The following GC variants were observed in gnomAD, a reference collection of about 807,000 sequenced individuals.
GC encodes vitamin D-binding protein.
GC carries 43 observed loss-of-function variants against 56.7 expected under a neutral mutation model. The ratio of observed to expected loss-of-function variants is 0.76; its 90% confidence interval spans 0.59 to 0.98. The LOEUF is 0.98. Among genes scored for constraint, GC ranks in the 50% least tolerant of loss-of-function variants. The pLI is 0.00. For synonymous variants in GC, 216 were observed against 202.7 expected (o/e 1.07, Z -0.56); for missense variants, 529 against 545.9 (o/e 0.97, Z 0.31).
rs573923482 is a variant in GC at position 71,746,307 on chromosome 4, G to A, written c.1396-102C>T. ...CAAAATCTTGAAACCTTGGTTAGGG[G>A]AGCGGATTCTTGCCAAGATGCAATG... On this transcript the variant is annotated intron_variant, in intron 11 of 12. Coordinates refer to ENST00000273951, the MANE Select transcript of GC (RefSeq NM_000583.4). The A allele has an allele frequency of 7.3e-4, 431 of 588,214 alleles. 1 individual carries two copies. The highest frequency in any genetic ancestry group is 7.5e-4 in the Non-Finnish European group (242 of 321,676). 36.4% of individuals were successfully genotyped at this position (588,214 alleles called of 1,614,324 possible). A position where few individuals can be genotyped will look rare whatever the true frequency, so the allele number is the denominator to read the frequency against.
upstream of GC, among the ~76,000 whole-genome samples, chr4:71,784,608 G>C (rs1742788065): frequency 6.6e-6 from 1 of 151,764 alleles, no homozygotes; most frequent in African/African-American, 2.4e-5. Flanking sequence ...ATGCTATGAA[G>C]TAATCTTATT....
intron 11 of GC, among the ~76,000 whole-genome samples, chr4:71,746,772 T>TAAAAAAAAAAAAAAA (rs34865299): frequency 2.0e-5 from 2 of 100,658 alleles, no homozygotes; most frequent in African/African-American, 8.4e-5. Flanking sequence ...CTCTATTTTG[T>TAAAAAAAAAAAAAAA]AAAAAAAAAA....
chr4:71,785,925 T>C (rs1742821956), upstream of GC: 1 of 151,864 alleles, frequency 6.6e-6, no homozygotes, highest in South Asian at 2.1e-4. Flanking sequence ...TATACTTCTG[T>C]ATCCCTTTTA....
intron 1 of GC, chr4:71,769,699 G>A: frequency 3.9e-6 from 1 of 257,608 alleles, no homozygotes; most frequent in Non-Finnish European, 7.7e-6. Context: ...TATTGATATG[G>A]CAACTATTAG....
At chr4:71,747,505 A>G (rs1470952611) in intron 11 of GC, among the ~76,000 whole-genome samples, 1 of 152,200 alleles carries the variant, frequency 6.6e-6, no homozygotes, top group African/African-American at 2.4e-5. Context: ...AAATTGTTTC[A>G]AGAAGGAAGG....
intron 11 of GC, 135 bp from the exon 12 acceptor site, chr4:71,746,340 G>A (rs1281953366): frequency 3.8e-6 from 2 of 529,574 alleles, no homozygotes; most frequent in Non-Finnish European, 7.0e-6. Flanking sequence ...ATGTTACATT[G>A]CAGTTTTTTA....
At chr4:71,767,522 G>A (rs1578300173) in intron 3 of GC, among the ~76,000 whole-genome samples, 2 of 151,560 alleles carry the variant, frequency 1.3e-5, no homozygotes, top group South Asian at 2.1e-4. Context: ...ACCAGTCCTG[G>A]CATGATGATA....
At chr4:71,749,906 G>A (rs1741492397) in intron 11 of GC, among the ~76,000 whole-genome samples, 1 of 152,092 alleles carries the variant, frequency 6.6e-6, no homozygotes, top group Non-Finnish European at 1.5e-5. Context: ...AAATAGGTTT[G>A]GGACCAGAGT....
chr4:71,778,891 G>GTTA (rs149876631), intron 1 of GC, among the ~76,000 whole-genome samples: 12,047 of 143,150 alleles, frequency 0.084, 566 homozygotes, highest in East Asian at 0.16. Context: ...ATTGCTGTCA[G>GTTA]TTATTATTAT....
intron 1 of GC, among the ~76,000 whole-genome samples, chr4:71,799,252 A>T (rs1345603900): frequency 6.6e-6 from 1 of 152,198 alleles, no homozygotes; most frequent in Non-Finnish European, 1.5e-5. Flanking sequence ...TTGAACCAAG[A>T]TCCACTCATT....
chr4:71,799,128 A>G (rs536849064), intron 1 of GC, among the ~76,000 whole-genome samples: 3 of 152,304 alleles, frequency 2.0e-5, no homozygotes, highest in African/African-American at 4.8e-5. Context: ...GGTGAAAATT[A>G]TCTTAAAAGG....
intron 1 of GC, among the ~76,000 whole-genome samples, chr4:71,780,482 C>T (rs1344285962): frequency 6.6e-6 from 1 of 152,004 alleles, no homozygotes; most frequent in Non-Finnish European, 1.5e-5. Flanking sequence ...GCAATGTACC[C>T]ATCTGACAAA....
intron 1 of GC, among the ~76,000 whole-genome samples, chr4:71,802,812 C>A (rs775756079): frequency 6.6e-6 from 1 of 152,224 alleles, no homozygotes; most frequent in Middle Eastern, 3.4e-3. Flanking sequence ...GGGCTACACC[C>A]CAATAACCCC....
intron 1 of GC, among the ~76,000 whole-genome samples, chr4:71,803,030 G>A (rs139233836): frequency 3.3e-5 from 5 of 152,266 alleles, no homozygotes; most frequent in African/African-American, 4.8e-5. Context: ...ATGTGTGAAT[G>A]AGATAGAAAG....
chr4:71,798,603 G>A (rs917366237), intron 1 of GC, among the ~76,000 whole-genome samples: 3 of 152,122 alleles, frequency 2.0e-5, no homozygotes, highest in African/African-American at 4.8e-5. Context: ...TAACTGGGGG[G>A]ACTCATTCTC....
chr4:71,764,514 C>A (rs1374487423), intron 4 of GC, among the ~76,000 whole-genome samples: 1 of 152,048 alleles, frequency 6.6e-6, no homozygotes. Context: ...AGGTGCATCA[C>A]CCATGGTATC....
At chr4:71,794,949 TGC>T in intron 1 of GC, among the ~76,000 whole-genome samples, 1 of 152,224 alleles carries the variant, frequency 6.6e-6, no homozygotes, top group South Asian at 2.1e-4. Flanking sequence ...TTGTTCAGTT[TGC>T]ATGTACTTGT....
chr4:71,767,387 C>T (rs1408185403), intron 3 of GC, among the ~76,000 whole-genome samples: 1 of 152,006 alleles, frequency 6.6e-6, no homozygotes, highest in Non-Finnish European at 1.5e-5. Flanking sequence ...AACATGTCAG[C>T]ATTTTAATTT....
At chr4:71,780,588 C>T (rs533994020) in intron 1 of GC, among the ~76,000 whole-genome samples, 9 of 152,224 alleles carry the variant, frequency 5.9e-5, no homozygotes, top group Non-Finnish European at 1.2e-4. Flanking sequence ...TGAACAGACA[C>T]TTCTCAAAAG....
Sources: allele counts gnomAD v4.1 joint callset (sites outside exome capture counted in the v4.1 genomes callset), GRCh38; gene constraint gnomAD v4.1.1; transcripts MANE v1.5; gene names NCBI Gene and HGNC (gene_info 2026-07-23, HGNC 2026-07-21).